Variants in HEPH observed in about 807,000 individuals in gnomAD.
HEPH encodes hephaestin.
A neutral mutation model predicts 80.8 loss-of-function variants in HEPH; 69 were observed. The ratio of observed to expected loss-of-function variants is 0.85; its 90% CI spans 0.70 to 1.04. HEPH has a LOEUF of 1.04. Ranked by LOEUF, HEPH falls within the 50% of genes least tolerant of loss-of-function variation. HEPH has a pLI of 0.00. For synonymous variants in HEPH, 431 were observed against 322.8 expected, an observed-to-expected ratio of 1.34 and a Z score of -3.60; for missense variants, 1,115 against 891.3, an observed-to-expected ratio of 1.25 and a Z score of -3.20.
At chrX:66,203,153 A>G (rs972063615) in intron 12 of HEPH, among the ~76,000 whole-genome samples, 1 of 110,021 alleles carries the variant, frequency 9.1e-6, no homozygotes, top group Non-Finnish European at 1.9e-5. Flanking sequence ...CAGTGTATGT[A>G]GCTTTGGAGC....
At chrX:66,192,416 G>C in intron 7 of HEPH, 118 bp downstream of exon 7, 1 of 821,647 alleles carries the variant, frequency 1.2e-6, no homozygotes, top group Non-Finnish European at 1.7e-6. Context: ...TGTCTGGCTG[G>C]GGTTACATGA....
chrX:66,262,368 A>T (rs1434989818), intron 19 of HEPH, among the ~76,000 whole-genome samples: 1 of 111,819 alleles, frequency 8.9e-6, no homozygotes, highest in Non-Finnish European at 1.9e-5. Flanking sequence ...GGTTTGACAG[A>T]CTGACAGATA....
chrX:66,204,805 A>G (rs1433502164), intron 13 of HEPH, among the ~76,000 whole-genome samples: 1 of 112,104 alleles, frequency 8.9e-6, no homozygotes, highest in Non-Finnish European at 1.9e-5. Flanking sequence ...TTCTAACAAG[A>G]TCTTATAATT....
chrX:66,260,411 G>A (rs1269806992), intron 19 of HEPH, 149 bp downstream of exon 19: 1 of 428,697 alleles, frequency 2.3e-6, no homozygotes. Context: ...TCTAGGTATT[G>A]CCCCAACCAG....
At chrX:66,210,070 G>A (rs1054330782) in intron 15 of HEPH, among the ~76,000 whole-genome samples, 18 of 111,124 alleles carry the variant, frequency 1.6e-4, no homozygotes, top group African/African-American at 5.9e-4. Context: ...ATACTCAGAT[G>A]AGACCCCGAG....
At chrX:66,210,436 G>T (rs139270618) in intron 15 of HEPH, among the ~76,000 whole-genome samples, 2 of 111,700 alleles carry the variant, frequency 1.8e-5, no homozygotes, top group East Asian at 5.6e-4. Context: ...TGTGCCCAAA[G>T]GCTAAAGTAA....
intron 19 of HEPH, among the ~76,000 whole-genome samples, chrX:66,262,269 T>G (rs5919024): frequency 0.62 from 68,761 of 110,733 alleles, 18,415 homozygotes; most frequent in East Asian, 1. Flanking sequence ...ACATGAAAGA[T>G]TAGTGCAAGA....
chrX:66,230,531 G>A (rs2090082815), intron 15 of HEPH, among the ~76,000 whole-genome samples: 1 of 107,544 alleles, frequency 9.3e-6, no homozygotes, highest in Non-Finnish European at 1.9e-5. Context: ...GGCCAGTGAT[G>A]ATGAACATTT....
At chrX:66,248,652 G>C (rs2090899992) in intron 15 of HEPH, among the ~76,000 whole-genome samples, 1 of 112,265 alleles carries the variant, frequency 8.9e-6, no homozygotes, top group Non-Finnish European at 1.9e-5. Context: ...CAATTGTGAA[G>C]AAGGAAAAAT....
chrX:66,206,339 C>CTT (rs760184190), intron 13 of HEPH, among the ~76,000 whole-genome samples: 360 of 14,087 alleles, frequency 0.026, 136 homozygotes, highest in East Asian at 0.071. Context: ...AACCTGCCAT[C>CTT]TTTTTTTTTT....
chrX:66,236,324 G>A lies in HEPH; in HGVS notation c.2564-18711G>A, dbSNP rs148481578. Among the ~76,000 whole-genome samples, 23 of 111,643 alleles carry A rather than the reference G, an allele frequency of 2.1e-4. No homozygotes were observed. In the East Asian group the frequency reaches 6.5e-3, roughly 31 times the overall value. ...GTTTATTGAGAGTTTTTAACATGAA[G>A]GAGTGTTGAATTTCACTGAAAGCCT... On this transcript the variant is annotated intron_variant, in intron 15 of 20. Coordinates refer to ENST00000343002, the MANE Select transcript of HEPH (RefSeq NM_001367233.3).
Position 66,197,686 on chromosome X carries a change from C to T in HEPH, c.1505C>T (p.Ser502Leu), listed in dbSNP as rs958143678. The T allele has an allele frequency of 1.5e-5, 18 of 1,207,833 alleles. No individual in the cohort carries two copies. In the Middle Eastern group the frequency reaches 3.7e-3, roughly 251 times the overall value. The stretch of plus-strand genomic sequence containing the variant: ...GAGTCCCATATTTTCACTACAGGCT[C>T]ATCTTACCCTGGCTTGGTTGCCAAG... ...DYEGTVYNDG[S>L]SYPGLVAKPF... The change falls in exon 10 of 21, where the codon TCA becomes TTA. Residue 502 changes from serine (S) to leucine (L), a missense_variant. Coordinates refer to ENST00000343002, the MANE Select transcript of HEPH (RefSeq NM_001367233.3).
At chrX:66,261,487 C>CT (rs2091361141) in intron 19 of HEPH, among the ~76,000 whole-genome samples, 1 of 108,950 alleles carries the variant, frequency 9.2e-6, no homozygotes, top group Non-Finnish European at 1.9e-5. Flanking sequence ...CACTATTTGC[C>CT]TTCCAAGAAG....
rs144705774 is a variant in HEPH at position 66,168,984 on chromosome X, T to C, written c.-13-1574T>C. 3.3e-3 allele frequency among the ~76,000 whole-genome samples: 371 copies of C among 111,930 alleles called. 4 individuals are homozygous for C. The highest frequency in any genetic ancestry group is 0.011 in the African/African-American group (350 of 30,826). ...ATATGGCTGTTGCTATAGGCATATGTATGTTCTCTGTGTATATACATGTGA... is the reference window on the plus strand; with the variant it reads ...ATATGGCTGTTGCTATAGGCATATGCATGTTCTCTGTGTATATACATGTGA... On this transcript the variant is annotated intron_variant, in intron 1 of 20. Transcript: ENST00000343002.
rs2091565135 is a variant in HEPH at position 66,267,216 on chromosome X, G to A, written c.*544G>A. ...CTTGGCAGTGAACTACTTTGAAGAAGTGGTCAATGGGTTGTTGCTGCCATG... is the reference window on the plus strand; with the variant it reads ...CTTGGCAGTGAACTACTTTGAAGAAATGGTCAATGGGTTGTTGCTGCCATG... On this transcript the variant is annotated 3_prime_UTR_variant, in exon 21 of 21. Transcript: ENST00000343002. The A allele has an allele frequency of 8.8e-6, 1 of 114,088 alleles. No homozygotes were observed. Among genetic ancestry groups the A allele is most frequent in the African/African-American group, 3.2e-5 (1 of 30,961 alleles). The allele number at this position is 114,088 out of a possible 1,213,427, so 9.4% of individuals were successfully genotyped here. A position where few individuals can be genotyped will look rare whatever the true frequency, so the allele number is the denominator to read the frequency against.
Position 66,226,378 on chromosome X carries a change from G to T in HEPH, c.2563+18132G>T, listed in dbSNP as rs748787813. ...GCATATATAGACAATCTATGGTCAT[G>T]CCTCAAGGAACTGGAGAAACAAGAA... is the stretch of plus-strand genomic sequence containing the variant. On this transcript the variant is annotated intron_variant, in intron 15 of 20. Coordinates refer to ENST00000343002, the MANE Select transcript of HEPH (RefSeq NM_001367233.3). Among the ~76,000 whole-genome samples, 4 of 112,038 alleles carry T rather than the reference G, an allele frequency of 3.6e-5. No homozygotes were observed. In the South Asian group the frequency reaches 1.5e-3, roughly 41 times the overall value.
At chrX:66,179,395 G>T (rs1282526913) in intron 4 of HEPH, among the ~76,000 whole-genome samples, 1 of 111,721 alleles carries the variant, frequency 9.0e-6, no homozygotes, top group Non-Finnish European at 1.9e-5. Context: ...CTCCAGCTTT[G>T]TTCTTTTTGC....
chrX:66,221,300 C>T (rs1300558151), intron 15 of HEPH, among the ~76,000 whole-genome samples: 2 of 112,060 alleles, frequency 1.8e-5, no homozygotes, highest in Non-Finnish European at 3.8e-5. Context: ...TATGCTTGAC[C>T]GGGCTCTCTG....
At chrX:66,229,397 G>T (rs2090027408) in intron 15 of HEPH, among the ~76,000 whole-genome samples, 1 of 111,582 alleles carries the variant, frequency 9.0e-6, no homozygotes. Flanking sequence ...TGAGAGCTGA[G>T]CTATGAGGAT....
Sources: gnomAD v4.1 joint callset for allele counts (sites outside exome capture counted in the v4.1 genomes callset) on GRCh38, gnomAD v4.1.1 for gene constraint, MANE v1.5 for transcripts, NCBI Gene and HGNC (gene_info 2026-07-23, HGNC 2026-07-21) for gene names.